The following MTHFD2L variants were observed in gnomAD, a reference collection of about 807,000 sequenced individuals.
MTHFD2L encodes methylenetetrahydrofolate dehydrogenase (NADP+ dependent) 2 like.
In MTHFD2L, 29 loss-of-function variants were observed where a neutral mutation model predicts 34.9. The ratio of observed to expected loss-of-function variants is 0.83; its 90% CI spans 0.62 to 1.13. The LOEUF (loss-of-function observed/expected upper bound fraction) is 1.13. Ranked by LOEUF, MTHFD2L falls within the 50% of genes most tolerant of loss-of-function variation. The pLI is 0.00. For missense variants in MTHFD2L, 481 were observed against 446.5 expected, an observed-to-expected ratio of 1.08 and a Z score of -0.70; for synonymous variants, 167 against 155.7, an observed-to-expected ratio of 1.07 and a Z score of -0.54.
At chr4:74,267,747 G>T in intron 6 of MTHFD2L, 1 of 985,362 alleles carries the variant, frequency 1.0e-6, no homozygotes, top group Non-Finnish European at 1.2e-6. Context: ...TTGATGGGAG[G>T]AAGAAAAGAG....
chr4:74,242,606 AGTCT>A (rs1244207846), intron 6 of MTHFD2L, among the ~76,000 whole-genome samples: 4 of 152,170 alleles, frequency 2.6e-5, no homozygotes, highest in Non-Finnish European at 5.9e-5. Context: ...TTGGAAACCA[AGTCT>A]GTCTTACTCT....
At chr4:74,174,470 T>C (rs1255838247) in intron 1 of MTHFD2L, 36 bp from the exon 2 acceptor site, 6 of 1,352,922 alleles carry the variant, frequency 4.4e-6, no homozygotes, top group Non-Finnish European at 4.8e-6. Context: ...GTGTTTCTTA[T>C]TTTCTTTTTA....
intron 5 of MTHFD2L, among the ~76,000 whole-genome samples, chr4:74,215,137 G>A (rs1293211516): frequency 2.6e-5 from 4 of 151,764 alleles, no homozygotes; most frequent in Non-Finnish European, 4.4e-5. Flanking sequence ...AGCTTGCTGG[G>A]CTCTGTAGGG....
intron 1 of MTHFD2L, among the ~76,000 whole-genome samples, chr4:74,166,893 C>G (rs1321776602): frequency 6.6e-6 from 1 of 152,202 alleles, no homozygotes; most frequent in African/African-American, 2.4e-5. Context: ...GTTCTAGGTA[C>G]CAGGTCTTCC....
chr4:74,297,414 A>G lies in MTHFD2L; in HGVS notation c.932-4283A>G, dbSNP rs918333061. On this transcript the variant is annotated intron_variant, in intron 7 of 7. Coordinates refer to ENST00000325278, the MANE Select transcript of MTHFD2L (RefSeq NM_001144978.3). ...ATCTCATATGAAAGGGCTGATATCA[A>G]TCAAGATCTCATACCTCATTCCCAT... 3.3e-5 allele frequency among the ~76,000 whole-genome samples: 5 copies of G among 152,156 alleles called. No individual in the cohort carries two copies. In the South Asian group the frequency reaches 1.0e-3, roughly 32 times the overall value.
At chr4:74,137,888 T>C (rs1267734551) in intron 1 of MTHFD2L, among the ~76,000 whole-genome samples, 4 of 152,010 alleles carry the variant, frequency 2.6e-5, no homozygotes, top group Non-Finnish European at 5.9e-5. Flanking sequence ...CTTGCTCTTG[T>C]GTGGGAGCTA....
chr4:74,242,239 G>A (rs867508234), intron 6 of MTHFD2L: 2 of 151,964 alleles, frequency 1.3e-5, no homozygotes, highest in East Asian at 1.9e-4. Flanking sequence ...AAAAAAGCAT[G>A]TATGTGGACA....
intron 3 of MTHFD2L, among the ~76,000 whole-genome samples, chr4:74,198,768 A>G (rs376425699): frequency 1.3e-5 from 2 of 152,184 alleles, no homozygotes; most frequent in Non-Finnish European, 2.9e-5. Context: ...GTGAAAAACT[A>G]TTGAATGGAG....
upstream of MTHFD2L, among the ~76,000 whole-genome samples, chr4:74,120,087 C>A (rs1318986249): frequency 6.6e-6 from 1 of 152,182 alleles, no homozygotes; most frequent in Non-Finnish European, 1.5e-5. Flanking sequence ...AGTGGCTAAC[C>A]ACATTGCTAA....
chr4:74,160,194 C>G, intron 1 of MTHFD2L: 1 of 875,730 alleles, frequency 1.1e-6, no homozygotes, highest in Non-Finnish European at 1.6e-6. Context: ...TGGTTTAAGT[C>G]TGACATCTTT....
At chr4:74,138,604 C>A (rs1457514225) in intron 1 of MTHFD2L, among the ~76,000 whole-genome samples, 1 of 152,190 alleles carries the variant, frequency 6.6e-6, no homozygotes, top group Non-Finnish European at 1.5e-5. Flanking sequence ...GCAATGGGAA[C>A]CTCGCTGGAT....
chr4:74,253,053 G>C (rs1264869026), intron 6 of MTHFD2L, among the ~76,000 whole-genome samples: 2 of 152,082 alleles, frequency 1.3e-5, no homozygotes, highest in Non-Finnish European at 2.9e-5. Flanking sequence ...GAAGATGATA[G>C]AGTAATAGTT....
intron 1 of MTHFD2L, among the ~76,000 whole-genome samples, chr4:74,172,854 C>T (rs888996525): frequency 2.6e-5 from 4 of 152,128 alleles, no homozygotes; most frequent in Admixed American, 1.3e-4. Context: ...GGTGTATTTT[C>T]GATCAAGTTC....
At position 74,294,486 on chromosome 4, in the gene MTHFD2L, G is replaced by A. The variant is rs115373850; in HGVS notation, c.932-7211G>A. ...CCCTGTCATGAAGGATGGATTGATG[G>A]TGCCAGAAGATTCATGACCACGTAC... On this transcript the variant is annotated intron_variant, in intron 7 of 7. Transcript: ENST00000325278. 3.4e-3 allele frequency among the ~76,000 whole-genome samples: 512 copies of A among 152,168 alleles called. 2 individuals are homozygous for A. Among genetic ancestry groups the A allele is most frequent in the African/African-American group, 0.012 (488 of 41,540 alleles).
chr4:74,178,120 T>G (rs759114316), intron 3 of MTHFD2L, among the ~76,000 whole-genome samples: 8 of 151,998 alleles, frequency 5.3e-5, no homozygotes, highest in Non-Finnish European at 1.0e-4. Flanking sequence ...AGATGTTGGT[T>G]AAAGGATACA....
At chr4:74,220,713 T>TA (rs1738022587) in intron 5 of MTHFD2L, among the ~76,000 whole-genome samples, 1 of 151,716 alleles carries the variant, frequency 6.6e-6, no homozygotes, top group African/African-American at 2.4e-5. Context: ...GGCCTCTTCT[T>TA]ACAATGTATT....
intron 7 of MTHFD2L, among the ~76,000 whole-genome samples, chr4:74,282,286 G>T (rs725142): frequency 0.044 from 6,633 of 151,978 alleles, 444 homozygotes; most frequent in African/African-American, 0.15. Flanking sequence ...GTCTATGAAG[G>T]CATGAATATA....
At chr4:74,280,846 G>T (rs1007401731) in intron 6 of MTHFD2L, among the ~76,000 whole-genome samples, 2 of 151,958 alleles carry the variant, frequency 1.3e-5, no homozygotes, top group East Asian at 3.9e-4. Flanking sequence ...AAAATAAAAA[G>T]AAAGCTCAAG....
At chr4:74,298,691 T>G (rs981998863) in intron 7 of MTHFD2L, among the ~76,000 whole-genome samples, 1 of 152,026 alleles carries the variant, frequency 6.6e-6, no homozygotes, top group South Asian at 2.1e-4. Context: ...TGAGAACTTA[T>G]AGTCAAAATG....
Sources: allele counts gnomAD v4.1 joint callset (sites outside exome capture counted in the v4.1 genomes callset), GRCh38; gene constraint gnomAD v4.1.1; transcripts MANE v1.5; gene names NCBI Gene and HGNC (gene_info 2026-07-23, HGNC 2026-07-21).